The following PIK3R4 variants were observed in gnomAD, a reference collection of about 807,000 sequenced individuals.
PIK3R4 encodes phosphoinositide 3-kinase regulatory subunit 4.
A neutral mutation model predicts 136.5 loss-of-function variants in PIK3R4; 46 were observed. That is an observed-to-expected ratio of 0.34 (90% CI 0.27 to 0.43). The LOEUF (loss-of-function observed/expected upper bound fraction) is 0.43, where lower values mean the gene tolerates loss of function less well. Ranked by LOEUF, PIK3R4 falls within the 20% of genes least tolerant of loss-of-function variation. PIK3R4 has a pLI of 1.00. For synonymous variants in PIK3R4, 557 were observed against 566.7 expected, an observed-to-expected ratio of 0.98 and a Z score of 0.24; for missense variants, 1,331 against 1,649.5, an observed-to-expected ratio of 0.81 and a Z score of 3.35.
At chr3:130,723,853 AC>A (rs796517820) in intron 6 of PIK3R4, 40 of 293,780 alleles carry the variant, frequency 1.4e-4, no homozygotes, top group African/African-American at 8.7e-4. Flanking sequence ...GAAGAATCAG[AC>A]TGTAATTATA....
At chr3:130,727,572 C>T (rs1449283117) in intron 6 of PIK3R4, among the ~76,000 whole-genome samples, 1 of 152,190 alleles carries the variant, frequency 6.6e-6, no homozygotes, top group Admixed American at 6.5e-5. Flanking sequence ...TGGACACAGC[C>T]AAGCTTTCTA....
chr3:130,703,994 A>T (rs1279600926), intron 12 of PIK3R4, 106 bp from the exon 13 acceptor site: 7 of 733,226 alleles, frequency 9.5e-6, no homozygotes, highest in African/African-American at 5.4e-5. Context: ...CAATCATAAG[A>T]ACTAAAATAT....
chr3:130,697,731 A>T (rs1355868938), intron 13 of PIK3R4, among the ~76,000 whole-genome samples: 1 of 152,238 alleles, frequency 6.6e-6, no homozygotes, highest in Admixed American at 6.5e-5. Flanking sequence ...CTCTTCATGC[A>T]GTCATCTTTC....
chr3:130,685,460 G>A (rs1559819401), intron 15 of PIK3R4, among the ~76,000 whole-genome samples: 2 of 152,082 alleles, frequency 1.3e-5, no homozygotes, highest in Non-Finnish European at 2.9e-5. Flanking sequence ...TGAGATTAAT[G>A]GAAATATATG....
rs1473663632 is a variant in PIK3R4, at chr3:130,705,695, T to C, written c.2798A>G (p.Tyr933Cys). 4.3e-6 allele frequency: 7 copies of C among 1,611,992 alleles called. No individual in the cohort carries two copies. The highest frequency in any genetic ancestry group is 5.9e-6 in the Non-Finnish European group (7 of 1,178,072). The change falls in exon 12 of 20, where the codon TAT (tyrosine) becomes TGT (cysteine). Residue 933 changes from tyrosine to cysteine, a missense_variant. Physicochemically the swap from Tyr to Cys is radical, Grantham distance 194. Coordinates refer to ENST00000356763, the MANE Select transcript of PIK3R4 (RefSeq NM_014602.3). ...VLSSTILPSTYQIRITTCKTE... is the reference protein window; with the variant it reads ...VLSSTILPSTCQIRITTCKTE... ...TTTACAAGTTGTAATTCGAATCTGATAGGTGGATGGTAAGATTGTACTACT... is the reference window on the plus strand; with the variant it reads ...TTTACAAGTTGTAATTCGAATCTGACAGGTGGATGGTAAGATTGTACTACT...
intron 19 of PIK3R4, among the ~76,000 whole-genome samples, chr3:130,679,809 G>T (rs560499178): frequency 6.6e-6 from 1 of 152,248 alleles, no homozygotes; most frequent in African/African-American, 2.4e-5. Flanking sequence ...CAGGCGCGGT[G>T]GGTCACGCCT....
Position 130,733,923 on chromosome 3 carries a change from C to T in PIK3R4, c.1075G>A (p.Gly359Arg). 1 of 1,614,102 alleles carries T rather than the reference C, an allele frequency of 6.2e-7. No individual in the cohort carries two copies. The highest frequency in any genetic ancestry group is 8.5e-7 in the Non-Finnish European group (1 of 1,179,984). ...DLGNIIHNLC[G>R]HDLPEKAEGE... ...TCGGCTTTTTCTGGCAGATCATGTC[C>T]ACAGAGATTGTGAATAATGTTGCCC... is the stretch of plus-strand genomic sequence containing the variant. Residue 359 changes from glycine to arginine, a missense_variant, in exon 4 of 20, where the codon GGA (glycine) becomes AGA (arginine). Coordinates refer to ENST00000356763, the MANE Select transcript of PIK3R4 (RefSeq NM_014602.3).
chr3:130,740,884 G>A (rs78003507), intron 2 of PIK3R4, among the ~76,000 whole-genome samples: 3,731 of 152,200 alleles, frequency 0.025, 172 homozygotes, highest in African/African-American at 0.083. Context: ...AGGGCAAAAT[G>A]TTAACAATAG....
At chr3:130,743,735 C>T (rs1373640006) in intron 2 of PIK3R4, among the ~76,000 whole-genome samples, 1 of 152,194 alleles carries the variant, frequency 6.6e-6, no homozygotes, top group Non-Finnish European at 1.5e-5. Flanking sequence ...AAGCCGGTCA[C>T]AATCATCTTA....
chr3:130,720,439 C>G (rs1242075001), intron 7 of PIK3R4, among the ~76,000 whole-genome samples: 1 of 152,188 alleles, frequency 6.6e-6, no homozygotes, highest in African/African-American at 2.4e-5. Flanking sequence ...AGGTGATCCG[C>G]CTGCCTTGGC....
At chr3:130,710,328 A>G (rs1188223512) in intron 9 of PIK3R4, among the ~76,000 whole-genome samples, 2 of 152,140 alleles carry the variant, frequency 1.3e-5, no homozygotes, top group African/African-American at 4.8e-5. Flanking sequence ...CAACACATTA[A>G]CAGAACAGAA....
At position 130,680,631 on chromosome 3, in the gene PIK3R4, T is replaced by G; in HGVS notation, c.3888A>C (p.Glu1296Asp). 1 of 1,602,106 alleles carries G rather than the reference T, an allele frequency of 6.2e-7. No homozygotes were observed. Among genetic ancestry groups the G allele is most frequent in the South Asian group, 1.1e-5 (1 of 90,674 alleles). The change falls in exon 19 of 20, where the codon GAA (glutamate) becomes GAC (aspartate). Residue 1296 changes from glutamate (E) to aspartate (D), a missense_variant. Transcript: ENST00000356763. Reference protein sequence around the residue: ...PSVSYYRKIIEGTEVVQEIQN... With the variant: ...PSVSYYRKIIDGTEVVQEIQN... ...ACAGTACCTGGACAACTTCAGTGCC[T>G]TCAATTATTTTCCTGTAGTAGGACA...
intron 4 of PIK3R4, among the ~76,000 whole-genome samples, chr3:130,732,409 G>A (rs907245922): frequency 2.6e-5 from 4 of 150,998 alleles, no homozygotes; most frequent in African/African-American, 4.9e-5. Flanking sequence ...ATAAAATTCT[G>A]GTAAAGAAGA....
At chr3:130,699,060 T>A (rs2066562051) in intron 13 of PIK3R4, among the ~76,000 whole-genome samples, 1 of 152,210 alleles carries the variant, frequency 6.6e-6, no homozygotes, top group Admixed American at 6.5e-5. Context: ...GAGAATTTGG[T>A]CTTTTCAGTT....
chr3:130,698,097 G>C (rs969462120), intron 13 of PIK3R4, among the ~76,000 whole-genome samples: 5 of 152,134 alleles, frequency 3.3e-5, no homozygotes, highest in Non-Finnish European at 7.4e-5. Flanking sequence ...AACATCCCTT[G>C]TATGTGATGA....
At chr3:130,720,956 G>T (rs2066696444) in intron 7 of PIK3R4, among the ~76,000 whole-genome samples, 3 of 152,124 alleles carry the variant, frequency 2.0e-5, no homozygotes, top group African/African-American at 7.2e-5. Context: ...AAGATAGCTT[G>T]AGCCAGGGAG....
intron 13 of PIK3R4, among the ~76,000 whole-genome samples, chr3:130,694,332 T>C (rs2066535235): frequency 6.6e-6 from 1 of 151,992 alleles, no homozygotes; most frequent in Non-Finnish European, 1.5e-5. Context: ...CAGCTAGAAA[T>C]TCCATAGAGA....
chr3:130,716,431 C>T lies in PIK3R4; in HGVS notation c.2296G>A (p.Ala766Thr), dbSNP rs1290672346. 41 of 1,614,054 alleles carry T rather than the reference C, an allele frequency of 2.5e-5. No individual in the cohort carries two copies. The East Asian group carries it at 9.1e-4, about 36-fold the overall frequency. ...LPDCPPPEDP[A>T]IAQLLKKLLS... Reference sequence around the variant, plus strand: ...AACTTCTTCAGAAGCTGTGCTATGGCAGGATCCTCTGGCGGAGGGCAGTCG... The same window carrying T: ...AACTTCTTCAGAAGCTGTGCTATGGTAGGATCCTCTGGCGGAGGGCAGTCG... Residue 766 changes from alanine to threonine, a missense_variant, in exon 9 of 20, where the codon GCC becomes ACC. Ala to Thr is a moderately conservative substitution (Grantham distance 58, BLOSUM62 0). Coordinates refer to ENST00000356763, the MANE Select transcript of PIK3R4 (RefSeq NM_014602.3).
chr3:130,694,892 T>TTAAGTACAATG (rs2066537583), intron 13 of PIK3R4, among the ~76,000 whole-genome samples: 1 of 152,126 alleles, frequency 6.6e-6, no homozygotes, highest in Non-Finnish European at 1.5e-5. Flanking sequence ...TCTTTTAACA[T>TTAAGTACAATG]TAAGTACAAT....
Sources: allele counts gnomAD v4.1 joint callset (sites outside exome capture counted in the v4.1 genomes callset), GRCh38; gene constraint gnomAD v4.1.1; transcripts MANE v1.5; gene names NCBI Gene and HGNC (gene_info 2026-07-23, HGNC 2026-07-21).